Variants in DMD observed in about 807,000 individuals in gnomAD.
DMD encodes the protein dystrophin.
A neutral mutation model predicts 330.1 loss-of-function variants in DMD; 63 were observed. That is an observed-to-expected ratio of 0.19 (90% CI 0.16 to 0.24). The LOEUF (loss-of-function observed/expected upper bound fraction) is 0.24, where lower values mean the gene tolerates loss of function less well. Ranked by LOEUF, DMD falls within the 10% of genes least tolerant of loss-of-function variation. The pLI is 1.00. For missense variants in DMD, 3,344 were observed against 2,684.1 expected (o/e 1.25, Z -5.43); for synonymous variants, 1,223 against 959.8 (o/e 1.27, Z -5.07).
At chrX:33,106,080 AC>A (rs763127957) in intron 1 of DMD, among the ~76,000 whole-genome samples, 5 of 110,624 alleles carry the variant, frequency 4.5e-5, no homozygotes, top group Middle Eastern at 4.7e-3. Flanking sequence ...ACACACACAC[AC>A]ACCATAGAAT....
At chrX:32,153,523 AT>A (rs752919157) in intron 44 of DMD, among the ~76,000 whole-genome samples, 5 of 111,652 alleles carry the variant, frequency 4.5e-5, no homozygotes, top group African/African-American at 9.8e-5. Context: ...AAAAAAAAAA[AT>A]TTATAATCCA....
intron 9 of DMD, among the ~76,000 whole-genome samples, chrX:32,687,297 A>C (rs2062953054): frequency 8.9e-6 from 1 of 112,148 alleles, no homozygotes; most frequent in Admixed American, 9.5e-5. Context: ...TGGATTCTTC[A>C]GAAGAATCTT....
At chrX:32,209,138 GATA>G (rs1270060651) in intron 44 of DMD, among the ~76,000 whole-genome samples, 2 of 111,755 alleles carry the variant, frequency 1.8e-5, no homozygotes, top group African/African-American at 6.5e-5. Context: ...TAATGGAAAA[GATA>G]ATAAACATGA....
At chrX:31,440,774 A>G (rs1436597824) in intron 60 of DMD, among the ~76,000 whole-genome samples, 1 of 112,472 alleles carries the variant, frequency 8.9e-6, no homozygotes, top group Non-Finnish European at 1.9e-5. Context: ...ATGCATACCA[A>G]TGTGTCTACT....
chrX:32,382,121 G>T (rs781260114), intron 33 of DMD, among the ~76,000 whole-genome samples: 3 of 111,296 alleles, frequency 2.7e-5, no homozygotes, highest in Non-Finnish European at 5.7e-5. Flanking sequence ...ATAAAAAACT[G>T]TGCCTGAATG....
intron 45 of DMD, among the ~76,000 whole-genome samples, chrX:31,934,052 G>A (rs1045144848): frequency 1.8e-5 from 2 of 110,572 alleles, no homozygotes; most frequent in Non-Finnish European, 3.8e-5. Flanking sequence ...AGATATATAC[G>A]TTATATACCT....
chrX:32,107,314 GTATACACACACA>G (rs1469417713), intron 44 of DMD, among the ~76,000 whole-genome samples: 1 of 100,822 alleles, frequency 9.9e-6, no homozygotes, highest in Non-Finnish European at 2.0e-5. Context: ...AAGAGAATAT[GTATACACACACA>G]TATATAATTA....
chrX:33,056,065 T>C (rs907263516), intron 1 of DMD, among the ~76,000 whole-genome samples: 8 of 110,345 alleles, frequency 7.2e-5, no homozygotes, highest in Non-Finnish European at 1.3e-4. Flanking sequence ...CAGGTGATAT[T>C]GCGGGTCTGA....
rs746613287 is a variant in DMD, at chrX:32,071,932, C to T, written c.6439-103418G>A. On this transcript the variant is annotated intron_variant, in intron 44 of 78. Coordinates refer to ENST00000357033, the MANE Select transcript of DMD (RefSeq NM_004006.3). Reference sequence around the variant, plus strand: ...TATTAATGTTAGAAAGGTAATGCAACGTGTTAGTAATTGCTCTGGAATTGA... The same window carrying T: ...TATTAATGTTAGAAAGGTAATGCAATGTGTTAGTAATTGCTCTGGAATTGA... Among the ~76,000 whole-genome samples, 182 of 111,227 alleles carry T rather than the reference C, an allele frequency of 1.6e-3. 1 individual carries two copies. The highest frequency in any genetic ancestry group is 5.5e-3 in the African/African-American group (168 of 30,685).
At chrX:32,727,240 G>A (rs1254038764) in intron 7 of DMD, among the ~76,000 whole-genome samples, 5 of 111,354 alleles carry the variant, frequency 4.5e-5, no homozygotes, top group African/African-American at 1.3e-4. Context: ...AATCTGCCCA[G>A]ATTGGCTTAG....
intron 63 of DMD, among the ~76,000 whole-genome samples, chrX:31,236,101 C>T (rs1353728003): frequency 7.1e-5 from 8 of 112,085 alleles, no homozygotes; most frequent in South Asian, 3.7e-4. Flanking sequence ...TGAGGCTGAA[C>T]GTCCTTTCTC....
intron 12 of DMD, among the ~76,000 whole-genome samples, chrX:32,604,349 C>T (rs937700124): frequency 2.7e-5 from 3 of 109,740 alleles, no homozygotes; most frequent in African/African-American, 9.9e-5. Context: ...AAAATCCAGC[C>T]TCTCCCCAAG....
intron 42 of DMD, among the ~76,000 whole-genome samples, chrX:32,307,684 C>A (rs1375290209): frequency 9.0e-6 from 1 of 111,630 alleles, no homozygotes; most frequent in Non-Finnish European, 1.9e-5. Flanking sequence ...ATATTTAACT[C>A]TCTCCAGAGA....
At chrX:32,850,646 T>C (rs2081063748) in intron 2 of DMD, among the ~76,000 whole-genome samples, 1 of 111,694 alleles carries the variant, frequency 9.0e-6, no homozygotes, top group Non-Finnish European at 1.9e-5. Flanking sequence ...TGGGTTCTTG[T>C]TCTTTCAATC....
At chrX:32,758,707 C>T (rs758909636) in intron 7 of DMD, among the ~76,000 whole-genome samples, 1 of 110,912 alleles carries the variant, frequency 9.0e-6, no homozygotes, top group South Asian at 3.8e-4. Flanking sequence ...CTCAAGATTA[C>T]GAGATAACAA....
intron 77 of DMD, 130 bp from the exon 78 acceptor site, chrX:31,126,803 G>GGAA (rs2033744158): frequency 5.7e-6 from 1 of 175,641 alleles, no homozygotes; most frequent in African/African-American, 4.8e-5. Context: ...TTCTCTGCTG[G>GGAA]AAAAAAAAAA....
chrX:32,652,751 A>G (rs1378726321), intron 9 of DMD, among the ~76,000 whole-genome samples: 1 of 111,620 alleles, frequency 9.0e-6, no homozygotes, highest in African/African-American at 3.3e-5. Context: ...CTCTTCCACA[A>G]TGGTTGAACT....
rs58505662 is a variant in DMD at position 33,129,325 on chromosome X, C to CTTTTTTTTTTTTTTTTTT, written c.31+81939_31+81956dup. On this transcript the variant is annotated intron_variant, in intron 1 of 78. Coordinates refer to ENST00000357033, the MANE Select transcript of DMD (RefSeq NM_004006.3). ...AATCCAGAGTTACAGTTAAGGTTTG[C>CTTTTTTTTTTTTTTTTTT]TTTTTTTTTTTTTTTTTTTTTTTTT... Among the ~76,000 whole-genome samples, 7 of 30,720 alleles carry CTTTTTTTTTTTTTTTTTT rather than the reference C, an allele frequency of 2.3e-4. 2 individuals carry two copies. The highest frequency in any genetic ancestry group is 3.1e-4 in the Non-Finnish European group (6 of 19,336). The allele number at this position is 30,720 out of a possible 115,157, so 26.7% of individuals were successfully genotyped here.
chrX:32,666,743 C>T (rs1187002311), intron 9 of DMD, among the ~76,000 whole-genome samples: 2 of 107,439 alleles, frequency 1.9e-5, no homozygotes, highest in Non-Finnish European at 3.8e-5. Context: ...GAAGTAGAAT[C>T]GTTGAACCTG....
Sources: gnomAD v4.1 joint callset for allele counts (sites outside exome capture counted in the v4.1 genomes callset) on GRCh38, gnomAD v4.1.1 for gene constraint, MANE v1.5 for transcripts, NCBI Gene and HGNC (gene_info 2026-07-23, HGNC 2026-07-21) for gene names.